Variants in TAFA2 observed in about 807,000 individuals in gnomAD.
TAFA2 encodes chemokine-like protein TAFA-2.
TAFA2 carries 7 observed loss-of-function variants against 18.8 expected under a neutral mutation model. The observed-to-expected ratio is 0.37, with a 90% CI of 0.21 to 0.70. The LOEUF (loss-of-function observed/expected upper bound fraction) is 0.70, where lower values mean the gene tolerates loss of function less well. Ranked by LOEUF, TAFA2 falls within the 30% of genes least tolerant of loss-of-function variation. The pLI, the probability that TAFA2 is intolerant of heterozygous loss-of-function variation, is 0.53. For missense variants in TAFA2, 122 were observed against 158.1 expected (o/e 0.77, Z 1.23); for synonymous variants, 60 against 54.2 (o/e 1.11, Z -0.47).
chr12:61,972,916 G>C (rs963489319), intron 1 of TAFA2, among the ~76,000 whole-genome samples: 3 of 151,574 alleles, frequency 2.0e-5, no homozygotes, highest in Admixed American at 6.6e-5. Context: ...ACAAAAACTG[G>C]TGATCTAAGT....
intron 4 of TAFA2, among the ~76,000 whole-genome samples, chr12:61,721,775 G>A (rs1294995072): frequency 6.6e-6 from 1 of 152,132 alleles, no homozygotes; most frequent in Non-Finnish European, 1.5e-5. Flanking sequence ...GACCAACATG[G>A]TGAAACCCCA....
chr12:62,052,437 C>T (rs1029110450), intron 1 of TAFA2, among the ~76,000 whole-genome samples: 3 of 152,170 alleles, frequency 2.0e-5, no homozygotes, highest in Non-Finnish European at 4.4e-5. Context: ...GGTGATCTGC[C>T]CGCCTTGGCC....
intron 2 of TAFA2, among the ~76,000 whole-genome samples, chr12:61,759,510 G>A (rs974166295): frequency 3.7e-4 from 57 of 152,012 alleles, no homozygotes; most frequent in African/African-American, 1.4e-3. Flanking sequence ...CCCAACTGAA[G>A]AGACATGGAA....
intron 1 of TAFA2, among the ~76,000 whole-genome samples, chr12:61,867,812 T>C (rs1283016455): frequency 1.3e-5 from 2 of 152,204 alleles, no homozygotes; most frequent in Non-Finnish European, 2.9e-5. Flanking sequence ...TCCTAACAAT[T>C]GCCAAGTCAA....
chr12:61,806,897 G>A (rs534415318), intron 2 of TAFA2, among the ~76,000 whole-genome samples: 295 of 152,308 alleles, frequency 1.9e-3, no homozygotes, highest in Non-Finnish European at 3.4e-3. Context: ...GCCTTCAAGA[G>A]GTGACTTGGG....
intron 2 of TAFA2, among the ~76,000 whole-genome samples, chr12:61,829,843 A>G (rs1340764912): frequency 2.0e-5 from 3 of 151,812 alleles, no homozygotes; most frequent in Non-Finnish European, 3.0e-5. Flanking sequence ...TAAAGAACAC[A>G]AAGTACAAAA....
chr12:61,837,859 G>T (rs1872999585), intron 2 of TAFA2, among the ~76,000 whole-genome samples: 1 of 151,988 alleles, frequency 6.6e-6, no homozygotes, highest in Non-Finnish European at 1.5e-5. Flanking sequence ...TTGTAATTAG[G>T]GTTCTTTAAG....
intron 1 of TAFA2, among the ~76,000 whole-genome samples, chr12:62,111,652 T>C (rs1259637552): frequency 6.6e-6 from 1 of 152,242 alleles, no homozygotes; most frequent in Admixed American, 6.5e-5. Flanking sequence ...AAGAACTTGC[T>C]GTATGAATCT....
chr12:61,717,116 C>G (rs1265675452), intron 4 of TAFA2, among the ~76,000 whole-genome samples: 2 of 152,080 alleles, frequency 1.3e-5, no homozygotes, highest in African/African-American at 4.8e-5. Flanking sequence ...TTTTTGTGTG[C>G]TAAATGCGCA....
chr12:62,150,248 C>T (rs2062318281), intron 1 of TAFA2, among the ~76,000 whole-genome samples: 1 of 152,152 alleles, frequency 6.6e-6, no homozygotes, highest in Admixed American at 6.5e-5. Flanking sequence ...ATGAGTACCT[C>T]TTGTTCTTTC....
chr12:62,096,582 T>C (rs1430243680), intron 1 of TAFA2, among the ~76,000 whole-genome samples: 1 of 152,172 alleles, frequency 6.6e-6, no homozygotes, highest in African/African-American at 2.4e-5. Context: ...TCTCCCCTTT[T>C]CTAAGTATTT....
chr12:61,845,824 A>T (rs1384377626), intron 2 of TAFA2, among the ~76,000 whole-genome samples: 1 of 152,160 alleles, frequency 6.6e-6, no homozygotes, highest in African/African-American at 2.4e-5. Flanking sequence ...TCCACAAAAT[A>T]AGGTTCTACA....
chr12:61,782,230 T>G (rs1870536111), intron 2 of TAFA2, among the ~76,000 whole-genome samples: 1 of 151,566 alleles, frequency 6.6e-6, no homozygotes, highest in African/African-American at 2.4e-5. Context: ...GAGCCAAACA[T>G]GGTTCGTTAT....
At chr12:61,992,673 C>G (rs1050167036) in intron 1 of TAFA2, among the ~76,000 whole-genome samples, 2 of 152,198 alleles carry the variant, frequency 1.3e-5, no homozygotes, top group Non-Finnish European at 2.9e-5. Flanking sequence ...GCTACTTCCT[C>G]TTTAACCTCA....
At chr12:62,195,334 T>A (rs1276353588), upstream of TAFA2, among the ~76,000 whole-genome samples, 1 of 152,130 alleles carries the variant, frequency 6.6e-6, no homozygotes, top group Non-Finnish European at 1.5e-5. Context: ...AAATTCCATC[T>A]CAAAAAAAAC....
Position 61,846,725 on chromosome 12 carries a change from C to T in TAFA2, c.106+20595G>A, listed in dbSNP as rs567781261. 7.2e-5 allele frequency among the ~76,000 whole-genome samples: 11 copies of T among 152,240 alleles called. 1 individual carries two copies. In the South Asian group the frequency reaches 2.1e-3, roughly 29 times the overall value. On this transcript the variant is annotated intron_variant, in intron 2 of 4. Transcript: ENST00000416284. ...TAAACTAAAACTCTAATTGCATCCA[C>T]GAACAACTGTCCACCCAATGATAGC...
chr12:61,734,964 A>G (rs925128479), intron 4 of TAFA2, among the ~76,000 whole-genome samples: 8 of 152,034 alleles, frequency 5.3e-5, no homozygotes, highest in Non-Finnish European at 1.2e-4. Flanking sequence ...GATGATAATA[A>G]TCAAGTCTTT....
At chr12:62,149,386 G>T (rs2062310631) in intron 1 of TAFA2, among the ~76,000 whole-genome samples, 1 of 151,908 alleles carries the variant, frequency 6.6e-6, no homozygotes, top group African/African-American at 2.4e-5. Context: ...CTTTCACAGA[G>T]GGGGGAAATT....
intron 1 of TAFA2, among the ~76,000 whole-genome samples, chr12:62,226,900 G>C (rs2062789295): frequency 1.3e-5 from 2 of 152,086 alleles, no homozygotes; most frequent in African/African-American, 2.4e-5. Flanking sequence ...TTTTGGCCTG[G>C]CATATTGCAG....
Sources: gnomAD v4.1 joint callset for allele counts (sites outside exome capture counted in the v4.1 genomes callset) on GRCh38, gnomAD v4.1.1 for gene constraint, MANE v1.5 for transcripts, NCBI Gene and HGNC (gene_info 2026-07-23, HGNC 2026-07-21) for gene names.